RBM6: variants seen among roughly 807,000 people sequenced by gnomAD.
RBM6 encodes RNA-binding protein 6.
In RBM6, 23 loss-of-function variants were observed where a neutral mutation model predicts 140.4. The observed-to-expected ratio is 0.16, with a 90% confidence interval of 0.12 to 0.23. RBM6 has a LOEUF of 0.23. Among genes scored for constraint, RBM6 ranks in the 10% least tolerant of loss-of-function variants. The probability of loss-of-function intolerance (pLI) is 1.00; values close to 1 mark genes in which losing one functional copy is unlikely to be tolerated. For synonymous variants in RBM6, 439 were observed against 475.6 expected (o/e 0.92, Z 1.00); for missense variants, 1,139 against 1,386.7 (o/e 0.82, Z 2.84).
chr3:50,066,645 T>C, intron 17 of RBM6, 143 bp downstream of exon 17: 3 of 1,077,526 alleles, frequency 2.8e-6, no homozygotes, highest in South Asian at 1.6e-5. Flanking sequence ...CTGGGCAACA[T>C]GGTGAAACCC....
intron 1 of RBM6, among the ~76,000 whole-genome samples, chr3:49,958,750 C>CAA (rs555958313): frequency 7.0e-5 from 7 of 99,478 alleles, no homozygotes; most frequent in Admixed American, 1.1e-4. Context: ...GACTCCATTT[C>CAA]AAAAAAAAAA....
intron 5 of RBM6, among the ~76,000 whole-genome samples, chr3:49,995,392 C>A (rs977756375): frequency 6.6e-6 from 1 of 152,014 alleles, no homozygotes; most frequent in African/African-American, 2.4e-5. Flanking sequence ...TCCGTCTCTA[C>A]TGAAAATACA....
chr3:49,948,870 G>A (rs1468050935), intron 1 of RBM6, among the ~76,000 whole-genome samples: 1 of 124,778 alleles, frequency 8.0e-6, no homozygotes, highest in Non-Finnish European at 1.6e-5. Context: ...TTGCACTGTC[G>A]CCCAGGCTGG....
At chr3:50,012,261 T>A (rs765814295) in intron 6 of RBM6, among the ~76,000 whole-genome samples, 1 of 152,116 alleles carries the variant, frequency 6.6e-6, no homozygotes, top group Non-Finnish European at 1.5e-5. Context: ...ATTGCCAAGG[T>A]GGTCTTGAAC....
At chr3:50,029,275 A>G (rs2088009430) in intron 6 of RBM6, among the ~76,000 whole-genome samples, 1 of 152,246 alleles carries the variant, frequency 6.6e-6, no homozygotes. Flanking sequence ...GCAGCAGTTG[A>G]TATGTGAGAA....
intron 6 of RBM6, 73 bp from the exon 7 acceptor site, chr3:50,048,172 C>T (rs1276240980): frequency 1.3e-6 from 2 of 1,566,124 alleles, no homozygotes; most frequent in Non-Finnish European, 8.6e-7. Context: ...ATTGGAAAGG[C>T]TCTCTGTGCC....
Position 50,046,004 on chromosome 3 carries a change from C to T in RBM6, c.1558-2241C>T, listed in dbSNP as rs925422840. 3.9e-5 allele frequency among the ~76,000 whole-genome samples: 6 copies of T among 152,068 alleles called. No individual in the cohort carries two copies. In the East Asian group the frequency reaches 5.8e-4, roughly 15 times the overall value. ...GGCTTAGAAGGGGTTCATCTTAGGC[C>T]GGACACAGTGGCTCACGTCTGTAAT... On this transcript the variant is annotated intron_variant, in intron 6 of 20. Coordinates refer to ENST00000266022, the MANE Select transcript of RBM6 (RefSeq NM_005777.3).
At chr3:50,045,227 A>G (rs988742578) in intron 6 of RBM6, among the ~76,000 whole-genome samples, 2 of 152,226 alleles carry the variant, frequency 1.3e-5, no homozygotes, top group African/African-American at 4.8e-5. Flanking sequence ...ACCTGAATCC[A>G]TTAATGCCTC....
rs545020376 is a variant in RBM6, at chr3:50,018,988, C to T, written c.1557+19475C>T. ...CCAGCAATGAATTAGAGTTCTGTTG[C>T]TCTGTATCCTTGCCAGCATTTGGAT... is the stretch of plus-strand genomic sequence containing the variant. On this transcript the variant is annotated intron_variant, in intron 6 of 20. Transcript: ENST00000266022. Among the ~76,000 whole-genome samples, 4 of 151,984 alleles carry T rather than the reference C, an allele frequency of 2.6e-5. 1 individual carries two copies. In the South Asian group the frequency reaches 8.3e-4, roughly 32 times the overall value.
At chr3:49,998,622 A>G (rs2086191128) in intron 5 of RBM6, among the ~76,000 whole-genome samples, 4 of 152,234 alleles carry the variant, frequency 2.6e-5, no homozygotes. Context: ...CCTGTGCTGC[A>G]AATGACACTT....
At chr3:50,002,786 C>T (rs2086401473) in intron 6 of RBM6, among the ~76,000 whole-genome samples, 1 of 152,116 alleles carries the variant, frequency 6.6e-6, no homozygotes. Flanking sequence ...GGATTAAACT[C>T]CTTATGACAT....
intron 8 of RBM6, among the ~76,000 whole-genome samples, chr3:50,055,897 A>C (rs1321504311): frequency 6.6e-6 from 1 of 152,218 alleles, no homozygotes; most frequent in Non-Finnish European, 1.5e-5. Flanking sequence ...GCAACTTCGA[A>C]GAGTCAGACA....
At chr3:50,066,545 T>C in intron 17 of RBM6, 43 bp downstream of exon 17, 3 of 1,584,942 alleles carry the variant, frequency 1.9e-6, no homozygotes, top group Non-Finnish European at 2.6e-6. Context: ...TGTTGACTCT[T>C]GGCCGGGCTT....
chr3:49,951,704 T>C (rs2083738594), intron 1 of RBM6, among the ~76,000 whole-genome samples: 1 of 147,364 alleles, frequency 6.8e-6, no homozygotes, highest in Non-Finnish European at 1.5e-5. Context: ...CAGTTATTAT[T>C]ATTATTATTA....
chr3:50,026,901 C>CAA (rs139771207), intron 6 of RBM6, among the ~76,000 whole-genome samples: 5,143 of 118,048 alleles, frequency 0.044, 121 homozygotes, highest in Non-Finnish European at 0.054. Context: ...CTTGTCTCAC[C>CAA]AAAAAAAAAA....
intron 2 of RBM6, among the ~76,000 whole-genome samples, chr3:49,963,584 C>T (rs951486983): frequency 6.6e-6 from 1 of 152,098 alleles, no homozygotes; most frequent in South Asian, 2.1e-4. Context: ...GGCATGTTGA[C>T]GCAGTTTGCT....
intron 6 of RBM6, among the ~76,000 whole-genome samples, chr3:50,002,264 CTTT>C (rs781666292): frequency 7.2e-6 from 1 of 138,022 alleles, no homozygotes. Flanking sequence ...AATTTTTTTT[CTTT>C]TTTTTTTTTT....
intron 9 of RBM6, 101 bp from the exon 10 acceptor site, chr3:50,058,301 A>C (rs2089795861): frequency 7.7e-7 from 1 of 1,293,304 alleles, no homozygotes; most frequent in Non-Finnish European, 1.1e-6. Flanking sequence ...CAGCCTTGCT[A>C]GTAGCATCTA....
intron 1 of RBM6, among the ~76,000 whole-genome samples, chr3:49,948,086 T>A (rs146885091): frequency 1.3e-5 from 2 of 152,018 alleles, no homozygotes; most frequent in East Asian, 3.9e-4. Context: ...GAGCGAGACA[T>A]GAGAATCTGT....
Sources: gnomAD v4.1 joint callset for allele counts (sites outside exome capture counted in the v4.1 genomes callset) on GRCh38, gnomAD v4.1.1 for gene constraint, MANE v1.5 for transcripts, NCBI Gene and HGNC (gene_info 2026-07-23, HGNC 2026-07-21) for gene names.